APBB2: variants seen among roughly 807,000 people sequenced by gnomAD.
The protein encoded by APBB2 is Fe65-like 1.
In APBB2, 38 loss-of-function variants were observed where a neutral mutation model predicts 82.5. The observed-to-expected ratio is 0.46, with a 90% confidence interval of 0.36 to 0.60. APBB2 has a LOEUF of 0.60. Among genes scored for constraint, APBB2 ranks in the 20% least tolerant of loss-of-function variants. The pLI, the probability that APBB2 is intolerant of heterozygous loss-of-function variation, is 0.00. For missense variants in APBB2, 772 were observed against 972.3 expected, an observed-to-expected ratio of 0.79 and a Z score of 2.74; for synonymous variants, 341 against 368.2, an observed-to-expected ratio of 0.93 and a Z score of 0.85.
chr4:41,003,711 C>T (rs376251634), intron 6 of APBB2, among the ~76,000 whole-genome samples: 4 of 152,064 alleles, frequency 2.6e-5, no homozygotes, highest in African/African-American at 4.8e-5. Flanking sequence ...GATGACATTT[C>T]GATTTTGGAT....
intron 1 of APBB2, among the ~76,000 whole-genome samples, chr4:41,173,302 A>G (rs1295550039): frequency 2.0e-5 from 3 of 152,234 alleles, no homozygotes; most frequent in Non-Finnish European, 2.9e-5. Context: ...GAAATACCCA[A>G]ACTGATTTTT....
At chr4:41,040,870 G>A (rs1721089825) in intron 4 of APBB2, among the ~76,000 whole-genome samples, 1 of 152,072 alleles carries the variant, frequency 6.6e-6, no homozygotes. Flanking sequence ...GAGAACATCT[G>A]CAAATTTTTT....
intron 4 of APBB2, among the ~76,000 whole-genome samples, chr4:41,052,929 A>C (rs1726569538): frequency 6.6e-6 from 1 of 151,902 alleles, no homozygotes; most frequent in Non-Finnish European, 1.5e-5. Context: ...GCACTGGGCC[A>C]ATTTTTTATA....
At chr4:41,042,284 C>T (rs550938790) in intron 4 of APBB2, among the ~76,000 whole-genome samples, 9 of 152,178 alleles carry the variant, frequency 5.9e-5, no homozygotes, top group Admixed American at 2.6e-4. Context: ...CCACCGTGCC[C>T]GGCCTGATCC....
At chr4:40,916,687 G>C (rs1779921834) in intron 10 of APBB2, among the ~76,000 whole-genome samples, 1 of 152,126 alleles carries the variant, frequency 6.6e-6, no homozygotes, top group African/African-American at 2.4e-5. Context: ...AGCCCAGGAG[G>C]TCCAGAAACT....
At chr4:41,036,653 G>T (rs766537557) in intron 4 of APBB2, among the ~76,000 whole-genome samples, 2 of 152,160 alleles carry the variant, frequency 1.3e-5, no homozygotes, top group African/African-American at 2.4e-5. Flanking sequence ...AAAACCACAG[G>T]CCAGACTGGA....
chr4:41,188,054 C>T (rs1456380851), intron 1 of APBB2, among the ~76,000 whole-genome samples: 1 of 152,160 alleles, frequency 6.6e-6, no homozygotes, highest in African/African-American at 2.4e-5. Context: ...AATCAGATTT[C>T]CATTCAATTC....
intron 5 of APBB2, among the ~76,000 whole-genome samples, chr4:41,023,849 C>CA (rs557580612): frequency 6.6e-6 from 1 of 151,966 alleles, no homozygotes; most frequent in East Asian, 1.9e-4. Flanking sequence ...CATATGGAAC[C>CA]AAAAAAAGAG....
chr4:40,929,016 T>C (rs1235027443), intron 10 of APBB2, among the ~76,000 whole-genome samples: 1 of 150,516 alleles, frequency 6.6e-6, no homozygotes, highest in Non-Finnish European at 1.5e-5. Context: ...AAAATCAGAA[T>C]ACAGTGTTTA....
At chr4:41,021,326 G>A (rs1811436504) in intron 5 of APBB2, among the ~76,000 whole-genome samples, 1 of 152,228 alleles carries the variant, frequency 6.6e-6, no homozygotes, top group African/African-American at 2.4e-5. Flanking sequence ...ACAGCAGGTG[G>A]GGTGTCCTGT....
chr4:40,829,603 T>A (rs1446906473), intron 13 of APBB2, among the ~76,000 whole-genome samples: 1 of 151,576 alleles, frequency 6.6e-6, no homozygotes, highest in Non-Finnish European at 1.5e-5. Context: ...AAAGAAGAAA[T>A]CTGTAACAGC....
chr4:41,033,314 A>C lies in APBB2; in HGVS notation c.-50-10T>G. 1 of 1,532,762 alleles carries C rather than the reference A, an allele frequency of 6.5e-7. No homozygotes were observed. Among genetic ancestry groups the C allele is most frequent in the Non-Finnish European group, 8.9e-7 (1 of 1,129,318 alleles). The allele number at this position is 1,532,762 out of a possible 1,614,324, so 94.9% of individuals were successfully genotyped here. On this transcript the variant is annotated splice_polypyrimidine_tract_variant and intron_variant, in intron 4 of 17. Coordinates refer to ENST00000508593, the MANE Select transcript of APBB2 (RefSeq NM_004307.2). ...GGTTATAATTTGAAATCTAAAAAGAAGGGATCATTTGAGAAATTAAAACTC... is the reference window on the plus strand; with the variant it reads ...GGTTATAATTTGAAATCTAAAAAGACGGGATCATTTGAGAAATTAAAACTC...
At chr4:40,920,435 C>T (rs972395416) in intron 10 of APBB2, among the ~76,000 whole-genome samples, 2 of 152,194 alleles carry the variant, frequency 1.3e-5, no homozygotes, top group African/African-American at 4.8e-5. Flanking sequence ...CACACACATA[C>T]ACAAAACTGC....
At chr4:40,865,827 A>T (rs1213810240) in intron 12 of APBB2, among the ~76,000 whole-genome samples, 4 of 152,260 alleles carry the variant, frequency 2.6e-5, no homozygotes, top group African/African-American at 9.6e-5. Context: ...AAGCACATGA[A>T]ACATGCTGAA....
At chr4:41,195,402 C>T in intron 1 of APBB2, among the ~76,000 whole-genome samples, 1 of 152,184 alleles carries the variant, frequency 6.6e-6, no homozygotes, top group Non-Finnish European at 1.5e-5. Flanking sequence ...CATCAACAAA[C>T]CGTGCTCGCT....
intron 2 of APBB2, among the ~76,000 whole-genome samples, chr4:41,111,976 G>A (rs559788490): frequency 1.3e-5 from 2 of 152,324 alleles, no homozygotes; most frequent in East Asian, 3.9e-4. Context: ...GCACTACACT[G>A]GAGCTCTTCC....
intron 5 of APBB2, among the ~76,000 whole-genome samples, chr4:41,017,103 C>T (rs1810197666): frequency 6.6e-6 from 1 of 152,050 alleles, no homozygotes; most frequent in Non-Finnish European, 1.5e-5. Flanking sequence ...CACTTTGTTG[C>T]CCAGGTTGGT....
chr4:40,926,302 A>G (rs574247951), intron 10 of APBB2, among the ~76,000 whole-genome samples: 2 of 152,332 alleles, frequency 1.3e-5, no homozygotes, highest in East Asian at 3.9e-4. Context: ...CCACAGGTAC[A>G]GTAACGTGTG....
intron 5 of APBB2, among the ~76,000 whole-genome samples, chr4:41,032,881 T>G (rs1717512811): frequency 1.5e-5 from 2 of 135,730 alleles, no homozygotes; most frequent in South Asian, 2.6e-4. Flanking sequence ...GCCTCCCGGG[T>G]TCACGCCATT....
Sources: gnomAD v4.1 joint callset for allele counts (sites outside exome capture counted in the v4.1 genomes callset) on GRCh38, gnomAD v4.1.1 for gene constraint, MANE v1.5 for transcripts, NCBI Gene and HGNC (gene_info 2026-07-23, HGNC 2026-07-21) for gene names.